TLL2: variants seen among roughly 807,000 people sequenced by gnomAD.
TLL2 encodes the protein tolloid-like protein 2.
A neutral mutation model predicts 123.0 loss-of-function variants in TLL2; 106 were observed. The ratio of observed to expected loss-of-function variants is 0.86; its 90% CI spans 0.74 to 1.01. TLL2 has a LOEUF of 1.01. Ranked by LOEUF, TLL2 falls within the 50% of genes least tolerant of loss-of-function variation. The probability of loss-of-function intolerance (pLI) is 0.00; values close to 1 mark genes in which losing one functional copy is unlikely to be tolerated. For synonymous variants in TLL2, 494 were observed against 516.8 expected (o/e 0.96, Z 0.60); for missense variants, 1,332 against 1,336.7 (o/e 1.00, Z 0.06).
chr10:96,376,757 T>G lies in TLL2; in HGVS notation c.2383A>C (p.Lys795Gln). The G allele has an allele frequency of 6.2e-7, 1 of 1,602,488 alleles. No individual in the cohort carries two copies. The highest frequency in any genetic ancestry group is 8.5e-7 in the Non-Finnish European group (1 of 1,175,414). The change falls in exon 18 of 21, where the codon AAA becomes CAA. Residue 795 changes from lysine (K) to glutamine (Q), a missense_variant. By Grantham distance (53) the Lys-to-Gln change is moderately conservative. Transcript: ENST00000357947. ...GTLASPNWPD[K>Q]YPSRRECTWN... ...GTACACTCCCTCCGGCTGGGGTATT[T>G]GTCAGGCCAGTTGGGGCTCGCCAGG...
intron 7 of TLL2, among the ~76,000 whole-genome samples, chr10:96,415,019 G>T (rs1589416718): frequency 6.6e-6 from 1 of 151,916 alleles, no homozygotes; most frequent in Non-Finnish European, 1.5e-5. Context: ...CTACTCTACT[G>T]CTCCCCTTGG....
chr10:96,386,027 C>A (rs1222219006), intron 15 of TLL2, 28 bp downstream of exon 15: 4 of 1,549,806 alleles, frequency 2.6e-6, no homozygotes, highest in Non-Finnish European at 3.5e-6. Flanking sequence ...CAATACAGTC[C>A]CCAATCAATT....
chr10:96,439,442 C>G (rs1334969185), intron 3 of TLL2, among the ~76,000 whole-genome samples: 1 of 152,042 alleles, frequency 6.6e-6, no homozygotes, highest in Non-Finnish European at 1.5e-5. Context: ...CTCTCTCTCT[C>G]TCTGCCTTAT....
intron 5 of TLL2, among the ~76,000 whole-genome samples, chr10:96,427,131 T>TG (rs1846685553): frequency 6.6e-6 from 1 of 152,146 alleles, no homozygotes; most frequent in Non-Finnish European, 1.5e-5. Context: ...AATGGAAGCA[T>TG]GGGGGGACTT....
chr10:96,388,686 CA>C (rs979144393), intron 13 of TLL2, among the ~76,000 whole-genome samples: 3 of 152,204 alleles, frequency 2.0e-5, no homozygotes, highest in African/African-American at 4.8e-5. Context: ...ACAAACCCTC[CA>C]ATCATCCAGC....
chr10:96,508,096 C>T (rs1847594106), intron 1 of TLL2, among the ~76,000 whole-genome samples: 1 of 152,100 alleles, frequency 6.6e-6, no homozygotes, highest in Non-Finnish European at 1.5e-5. Flanking sequence ...ATGGGTCATG[C>T]CAGGGAGACA....
At chr10:96,417,342 G>A (rs534701459) in intron 7 of TLL2, among the ~76,000 whole-genome samples, 1 of 152,312 alleles carries the variant, frequency 6.6e-6, no homozygotes, top group East Asian at 1.9e-4. Flanking sequence ...TTGGCAGAAA[G>A]GACAATGCAG....
intron 16 of TLL2, among the ~76,000 whole-genome samples, chr10:96,380,795 G>A (rs1254574191): frequency 6.7e-6 from 1 of 150,110 alleles, no homozygotes; most frequent in Non-Finnish European, 1.5e-5. Context: ...CGAGGCGGGT[G>A]GATCACCTGA....
At chr10:96,388,862 T>C (rs1846260292) in intron 13 of TLL2, among the ~76,000 whole-genome samples, 1 of 152,234 alleles carries the variant, frequency 6.6e-6, no homozygotes, top group Non-Finnish European at 1.5e-5. Flanking sequence ...CTTGGGTAAC[T>C]CTAATGGTGA....
At chr10:96,488,008 C>T (rs1385403502) in intron 1 of TLL2, among the ~76,000 whole-genome samples, 1 of 152,202 alleles carries the variant, frequency 6.6e-6, no homozygotes, top group Non-Finnish European at 1.5e-5. Flanking sequence ...GCCTGGGAAG[C>T]CTTGGACAAA....
chr10:96,500,103 TAAAAAA>T (rs58735775), intron 1 of TLL2, among the ~76,000 whole-genome samples: 7 of 75,488 alleles, frequency 9.3e-5, no homozygotes, highest in East Asian at 4.6e-4. Flanking sequence ...CAACATGATT[TAAAAAA>T]AAAAAAAAAA....
intron 7 of TLL2, among the ~76,000 whole-genome samples, chr10:96,418,478 A>C (rs1846587118): frequency 6.6e-6 from 1 of 152,106 alleles, no homozygotes. Flanking sequence ...GGAAATTTCT[A>C]CCCTCACCTA....
At chr10:96,408,591 A>T (rs921052338) in intron 9 of TLL2, among the ~76,000 whole-genome samples, 1 of 152,196 alleles carries the variant, frequency 6.6e-6, no homozygotes, top group Non-Finnish European at 1.5e-5. Flanking sequence ...GTTAGCCTCC[A>T]GCAGGCACAT....
At chr10:96,404,794 C>T (rs1217115679) in intron 10 of TLL2, among the ~76,000 whole-genome samples, 2 of 152,110 alleles carry the variant, frequency 1.3e-5, no homozygotes, top group African/African-American at 4.8e-5. Context: ...ATTTTTGTCA[C>T]ATACTTTTTT....
intron 1 of TLL2, among the ~76,000 whole-genome samples, chr10:96,511,139 G>T (rs1847626136): frequency 6.6e-6 from 1 of 152,190 alleles, no homozygotes; most frequent in Non-Finnish European, 1.5e-5. Context: ...TAAAAGGAGA[G>T]CTTCTGGCCA....
At position 96,370,077 on chromosome 10, in the gene TLL2, G is replaced by C; in HGVS notation, c.2901C>G (p.Phe967Leu). The change falls in exon 20 of 21, where the codon TTC (phenylalanine) becomes TTG (leucine). Residue 967 changes from phenylalanine (F) to leucine (L), a missense_variant. Phe to Leu is a conservative substitution (Grantham distance 22). Coordinates refer to ENST00000357947, the MANE Select transcript of TLL2 (RefSeq NM_012465.4). ...YDSSAPRLGR[F>L]CGSGPLEEIY... is the part of the protein sequence containing the mutation. ...CTCCGGGACTTACCCCAGAGCCACAGAAGCGGCCGAGCCTGGGCGCTGAGC... is the reference window on the plus strand; with the variant it reads ...CTCCGGGACTTACCCCAGAGCCACACAAGCGGCCGAGCCTGGGCGCTGAGC... 1 of 1,594,826 alleles carries C rather than the reference G, an allele frequency of 6.3e-7. No homozygotes were observed.
intron 1 of TLL2, among the ~76,000 whole-genome samples, chr10:96,494,851 G>C (rs1847454602): frequency 6.6e-6 from 1 of 152,142 alleles, no homozygotes; most frequent in African/African-American, 2.4e-5. Flanking sequence ...GTGTTGACAT[G>C]CGGATCCCCA....
chr10:96,440,193 G>A (rs1846837719), intron 3 of TLL2, among the ~76,000 whole-genome samples: 1 of 152,192 alleles, frequency 6.6e-6, no homozygotes, highest in Non-Finnish European at 1.5e-5. Flanking sequence ...GCATCAAGAT[G>A]TCAAATGTGA....
At chr10:96,456,317 C>T (rs150672874) in intron 2 of TLL2, among the ~76,000 whole-genome samples, 5 of 152,290 alleles carry the variant, frequency 3.3e-5, no homozygotes, top group African/African-American at 4.8e-5. Context: ...ATCTCAGGGA[C>T]GATTCTGAAG....
Sources: allele counts gnomAD v4.1 joint callset (sites outside exome capture counted in the v4.1 genomes callset), GRCh38; gene constraint gnomAD v4.1.1; transcripts MANE v1.5; gene names NCBI Gene and HGNC (gene_info 2026-07-23, HGNC 2026-07-21).